Variants in SUMF1 observed in about 807,000 individuals in gnomAD.
The protein encoded by SUMF1 is formylglycine-generating enzyme.
SUMF1 carries 48 observed loss-of-function variants against 47.6 expected under a neutral mutation model. The ratio of observed to expected loss-of-function variants is 1.01; its 90% confidence interval spans 0.80 to 1.28. The LOEUF is 1.28. Ranked by LOEUF, SUMF1 falls within the 50% of genes most tolerant of loss-of-function variation. The pLI, the probability that SUMF1 is intolerant of heterozygous loss-of-function variation, is 0.00. For synonymous variants in SUMF1, 230 were observed against 192.1 expected (o/e 1.20, Z -1.63); for missense variants, 571 against 485.4 (o/e 1.18, Z -1.66).
At chr3:4,428,270 G>A (rs1702128168) in intron 3 of SUMF1, among the ~76,000 whole-genome samples, 1 of 151,956 alleles carries the variant, frequency 6.6e-6, no homozygotes, top group Non-Finnish European at 1.5e-5. Context: ...CATATCCCAA[G>A]AAAATATTAG....
intron 8 of SUMF1, among the ~76,000 whole-genome samples, chr3:4,143,986 C>T (rs75216874): frequency 2.3e-5 from 2 of 86,006 alleles, no homozygotes; most frequent in South Asian, 3.5e-4. Context: ...TGTCTTCTCT[C>T]TCTTTTTTTT....
At chr3:4,466,843 G>T in intron 1 of SUMF1, 133 bp downstream of exon 1, 2 of 1,356,104 alleles carry the variant, frequency 1.5e-6, no homozygotes, top group Non-Finnish European at 1.0e-6. Context: ...CCTCATACGG[G>T]AACAGCAGGT....
intron 8 of SUMF1, among the ~76,000 whole-genome samples, chr3:4,326,521 G>GTTTTTTTTTTT (rs1553556914): frequency 1.1e-5 from 1 of 90,528 alleles, no homozygotes; most frequent in African/African-American, 8.5e-5. Context: ...TTTTTCCAAG[G>GTTTTTTTTTTT]GTTTTTTTTT....
chr3:4,311,646 G>A (rs1195227570), intron 8 of SUMF1, among the ~76,000 whole-genome samples: 1 of 152,178 alleles, frequency 6.6e-6, no homozygotes, highest in Non-Finnish European at 1.5e-5. Context: ...ATCCTTCTCT[G>A]AATTGGCAGC....
intron 8 of SUMF1, among the ~76,000 whole-genome samples, chr3:4,352,410 C>T (rs566128954): frequency 3.1e-4 from 47 of 152,276 alleles, no homozygotes; most frequent in African/African-American, 1.1e-3. Flanking sequence ...CATAGAACAA[C>T]CACAATTTAC....
At position 4,052,210 on chromosome 3, in the gene SUMF1, C is replaced by T. The variant is rs111956519; in HGVS notation, c.1191+16359G>A. Among the ~76,000 whole-genome samples, 840 of 152,174 alleles carry T rather than the reference C, an allele frequency of 5.5e-3. 12 individuals carry two copies. The highest frequency in any genetic ancestry group is 0.018 in the African/African-American group (767 of 41,512). On this transcript the variant is annotated intron_variant and NMD_transcript_variant, in intron 9 of 12. Coordinates refer to the SUMF1 transcript ENST00000448413. ...TCTCAATGTGTCTCCACATGATGGA[C>T]GGGGCAAGGCAGCTCTCTTTGGTCT... is the stretch of plus-strand genomic sequence containing the variant.
At chr3:4,346,573 G>C (rs1009638463) in intron 8 of SUMF1, among the ~76,000 whole-genome samples, 1 of 152,078 alleles carries the variant, frequency 6.6e-6, no homozygotes, top group East Asian at 1.9e-4. Context: ...ACATCAGAAA[G>C]CTAGAAAGAT....
chr3:4,240,816 G>A (rs1197919227), intron 8 of SUMF1, among the ~76,000 whole-genome samples: 1 of 151,504 alleles, frequency 6.6e-6, no homozygotes, highest in Non-Finnish European at 1.5e-5. Context: ...ATTTTTATAT[G>A]TTTTTATATA....
At chr3:4,266,178 T>C (rs1575035706) in intron 8 of SUMF1, among the ~76,000 whole-genome samples, 3 of 152,244 alleles carry the variant, frequency 2.0e-5, no homozygotes, top group East Asian at 3.8e-4. Flanking sequence ...CCTCCAGCTT[T>C]GTTCTTTTGG....
intron 8 of SUMF1, among the ~76,000 whole-genome samples, chr3:4,238,592 A>G (rs1192421449): frequency 2.6e-5 from 4 of 152,172 alleles, no homozygotes; most frequent in Non-Finnish European, 5.9e-5. Context: ...GTGTCTGTTC[A>G]TATCCTTCAC....
intron 8 of SUMF1, among the ~76,000 whole-genome samples, chr3:4,161,581 A>T (rs545306451): frequency 6.6e-6 from 1 of 151,996 alleles, no homozygotes; most frequent in African/African-American, 2.4e-5. Context: ...AGCTGTCACC[A>T]TTATAGGCCC....
At chr3:4,106,505 T>A (rs1693161632) in intron 8 of SUMF1, among the ~76,000 whole-genome samples, 1 of 152,162 alleles carries the variant, frequency 6.6e-6, no homozygotes, top group Non-Finnish European at 1.5e-5. Context: ...TTTCTTTTAA[T>A]CAGAACAATA....
chr3:4,099,014 T>C (rs920265611), intron 8 of SUMF1, among the ~76,000 whole-genome samples: 4 of 152,100 alleles, frequency 2.6e-5, no homozygotes, highest in Non-Finnish European at 5.9e-5. Flanking sequence ...TAAAGAAGAC[T>C]CTGGCCACTG....
At chr3:4,309,076 A>C (rs541635115) in intron 8 of SUMF1, among the ~76,000 whole-genome samples, 2 of 152,316 alleles carry the variant, frequency 1.3e-5, no homozygotes, top group East Asian at 3.9e-4. Flanking sequence ...TCTGATTAAC[A>C]GTTTGCTTGA....
intron 9 of SUMF1, among the ~76,000 whole-genome samples, chr3:4,047,059 C>T (rs1394995058): frequency 2.0e-5 from 3 of 152,206 alleles, no homozygotes; most frequent in East Asian, 3.9e-4. Flanking sequence ...GCCTTATGAA[C>T]TTTGAACTTG....
downstream of SUMF1, among the ~76,000 whole-genome samples, chr3:4,357,834 C>G (rs774265387): frequency 2.0e-5 from 3 of 152,000 alleles, no homozygotes; most frequent in Non-Finnish European, 4.4e-5. Context: ...TCATGAACTC[C>G]TGACCTCAGC....
chr3:4,246,916 C>T (rs1472386494), intron 8 of SUMF1, among the ~76,000 whole-genome samples: 1 of 152,150 alleles, frequency 6.6e-6, no homozygotes, highest in Non-Finnish European at 1.5e-5. Flanking sequence ...ATTTCCTTAA[C>T]ACATAATTTG....
chr3:4,237,415 T>A (rs1696433815), intron 8 of SUMF1, among the ~76,000 whole-genome samples: 1 of 152,146 alleles, frequency 6.6e-6, no homozygotes, highest in Non-Finnish European at 1.5e-5. Context: ...TATTTGTCAC[T>A]TGTATACCTT....
downstream of SUMF1, among the ~76,000 whole-genome samples, chr3:4,358,786 C>T (rs530109446): frequency 6.8e-4 from 103 of 152,290 alleles, 2 homozygotes; most frequent in South Asian, 6.8e-3. Context: ...GAGAAATCTA[C>T]ATCCCAGATC....
Sources: gnomAD v4.1 joint callset for allele counts (sites outside exome capture counted in the v4.1 genomes callset) on GRCh38, gnomAD v4.1.1 for gene constraint, MANE v1.5 for transcripts, NCBI Gene and HGNC (gene_info 2026-07-23, HGNC 2026-07-21) for gene names.